The following DNAJC5B variants were observed in gnomAD, a reference collection of about 807,000 sequenced individuals.
DNAJC5B encodes the protein DnaJ heat shock protein family (Hsp40) member C5 beta.
A neutral mutation model predicts 24.7 loss-of-function variants in DNAJC5B; 23 were observed. The ratio of observed to expected loss-of-function variants is 0.93; its 90% confidence interval spans 0.67 to 1.32. The LOEUF (loss-of-function observed/expected upper bound fraction) is 1.32, where lower values mean the gene tolerates loss of function less well. Among genes scored for constraint, DNAJC5B ranks in the 40% most tolerant of loss-of-function variants. DNAJC5B has a pLI of 0.00. For missense variants in DNAJC5B, 238 were observed against 240.8 expected, an observed-to-expected ratio of 0.99 and a Z score of 0.08; for synonymous variants, 101 against 90.1, an observed-to-expected ratio of 1.12 and a Z score of -0.68.
At chr8:66,031,782 G>A (rs1420460361) in intron 1 of DNAJC5B, among the ~76,000 whole-genome samples, 2 of 152,174 alleles carry the variant, frequency 1.3e-5, no homozygotes, top group African/African-American at 4.8e-5. Flanking sequence ...TGAGGGTGGG[G>A]TGGGGGGCAG....
intron 3 of DNAJC5B, among the ~76,000 whole-genome samples, chr8:66,074,469 T>C (rs1586102667): frequency 6.6e-6 from 1 of 152,344 alleles, no homozygotes; most frequent in Admixed American, 6.5e-5. Flanking sequence ...AAAGCTGTCA[T>C]TAGATTTTGA....
intron 1 of DNAJC5B, among the ~76,000 whole-genome samples, chr8:66,041,167 A>G (rs911249503): frequency 6.6e-6 from 1 of 152,196 alleles, no homozygotes; most frequent in African/African-American, 2.4e-5. Flanking sequence ...CTTGAGTTTC[A>G]TATATTGCAT....
At chr8:66,075,586 T>C (rs1446906322) in intron 3 of DNAJC5B, among the ~76,000 whole-genome samples, 1 of 152,204 alleles carries the variant, frequency 6.6e-6, no homozygotes, top group African/African-American at 2.4e-5. Context: ...CAGATATCTT[T>C]CAAAAAGGAT....
At chr8:66,082,475 C>G (rs1807618067) in intron 5 of DNAJC5B, among the ~76,000 whole-genome samples, 1 of 152,086 alleles carries the variant, frequency 6.6e-6, no homozygotes, top group Non-Finnish European at 1.5e-5. Flanking sequence ...GAAATCCATA[C>G]TAGGTGCCAG....
chr8:66,074,852 A>G (rs2128963481), intron 3 of DNAJC5B, among the ~76,000 whole-genome samples: 1 of 152,306 alleles, frequency 6.6e-6, no homozygotes, highest in South Asian at 2.1e-4. Flanking sequence ...AAGAGGAATC[A>G]AAATGTTGCT....
At chr8:66,031,066 C>T (rs1217124309) in intron 1 of DNAJC5B, among the ~76,000 whole-genome samples, 1 of 152,238 alleles carries the variant, frequency 6.6e-6, no homozygotes, top group Non-Finnish European at 1.5e-5. Context: ...GCACTTTCTT[C>T]AGCCACTTTA....
At chr8:66,050,547 T>C (rs548670166) in intron 2 of DNAJC5B, among the ~76,000 whole-genome samples, 2 of 152,210 alleles carry the variant, frequency 1.3e-5, no homozygotes, top group African/African-American at 2.4e-5. Flanking sequence ...TTTAAAATCC[T>C]AGGGAAGGAT....
At chr8:66,051,896 A>G (rs1051457315) in intron 3 of DNAJC5B, among the ~76,000 whole-genome samples, 3 of 152,140 alleles carry the variant, frequency 2.0e-5, no homozygotes, top group African/African-American at 7.2e-5. Flanking sequence ...TGTGTCTTAG[A>G]CCTGCAGTGA....
chr8:66,089,282 C>A (rs1017128224), intron 5 of DNAJC5B, among the ~76,000 whole-genome samples: 1 of 152,158 alleles, frequency 6.6e-6, no homozygotes, highest in African/African-American at 2.4e-5. Context: ...TGGGGGAAAC[C>A]GTCTCTATGA....
chr8:66,083,003 CTTT>C (rs765749597), intron 5 of DNAJC5B, among the ~76,000 whole-genome samples: 2 of 86,722 alleles, frequency 2.3e-5, no homozygotes, highest in Non-Finnish European at 4.4e-5. Context: ...CTTTTCTTTT[CTTT>C]TTTTTTTTTT....
chr8:66,048,377 A>G (rs1806770861), intron 2 of DNAJC5B, among the ~76,000 whole-genome samples: 1 of 152,190 alleles, frequency 6.6e-6, no homozygotes, highest in Non-Finnish European at 1.5e-5. Flanking sequence ...CTTTCTTCGT[A>G]GGAAAATGTT....
rs908564632 is a variant in DNAJC5B at position 66,049,707 on chromosome 8, C to T, written c.-17-1824C>T. Among the ~76,000 whole-genome samples, 4 of 152,128 alleles carry T rather than the reference C, an allele frequency of 2.6e-5. No individual in the cohort carries two copies. In the East Asian group the frequency reaches 7.7e-4, roughly 29 times the overall value. ...GTCGGCTGTGGGTGTTATCATAATC[C>T]GTGTAGTAGATTATCTTCAGTAACC... On this transcript the variant is annotated intron_variant, in intron 2 of 5. Coordinates refer to ENST00000276570, the MANE Select transcript of DNAJC5B (RefSeq NM_033105.6).
At chr8:66,072,340 C>T (rs1807369191) in intron 3 of DNAJC5B, among the ~76,000 whole-genome samples, 1 of 152,104 alleles carries the variant, frequency 6.6e-6, no homozygotes, top group East Asian at 1.9e-4. Flanking sequence ...AAAGTTTTAA[C>T]ACATCTGGCT....
At chr8:66,078,848 A>T (rs75509423) in intron 4 of DNAJC5B, among the ~76,000 whole-genome samples, 309 of 152,322 alleles carry the variant, frequency 2.0e-3, no homozygotes, top group African/African-American at 7.1e-3. Flanking sequence ...GATGAAGCCC[A>T]GGTCTATGAA....
chr8:66,066,760 A>G (rs1231403817), intron 3 of DNAJC5B, among the ~76,000 whole-genome samples: 1 of 152,160 alleles, frequency 6.6e-6, no homozygotes, highest in African/African-American at 2.4e-5. Flanking sequence ...AAAAAACTAC[A>G]ATGTATACTA....
At chr8:66,040,969 A>T (rs565519062) in intron 1 of DNAJC5B, among the ~76,000 whole-genome samples, 1 of 152,332 alleles carries the variant, frequency 6.6e-6, no homozygotes, top group East Asian at 1.9e-4. Context: ...CTGAAGAAAC[A>T]TATAAGCACT....
In DNAJC5B at chr8:66,080,392, G is replaced by A. The variant is rs370404881; in HGVS notation, c.349G>A (p.Val117Ile). The A allele has an allele frequency of 1.4e-5, 22 of 1,612,892 alleles. No homozygotes were observed. The highest frequency in any genetic ancestry group is 9.9e-5 in the South Asian group (9 of 90,980). ...SWWAKALFVI[V>I]GLLTGCYFCC... Reference sequence around the variant, plus strand: ...GTTTCCCTAGGCCCTGTTTGTCATCGTTGGCCTCTTGACGGGCTGCTACTT... The same window carrying A: ...GTTTCCCTAGGCCCTGTTTGTCATCATTGGCCTCTTGACGGGCTGCTACTT... Residue 117 changes from valine (V) to isoleucine (I), a missense_variant, in exon 5 of 6, where the codon GTT becomes ATT. By Grantham distance (29) the Val-to-Ile change is conservative. Transcript: ENST00000276570.
rs1214933406 is a variant in DNAJC5B at position 66,075,349 on chromosome 8, G to A, written c.120-1311G>A. On this transcript the variant is annotated intron_variant, in intron 3 of 5. Transcript: ENST00000276570. ...AAATAACAGCCCTTTCATTTGATTG[G>A]CCTAGACATGATATCTTTGGAACCA... is the stretch of plus-strand genomic sequence containing the variant. Among the ~76,000 whole-genome samples the A allele has an allele frequency of 6.6e-5, 10 of 152,008 alleles. No homozygotes were observed. The East Asian group carries it at 1.7e-3, about 26-fold the overall frequency.
chr8:66,029,782 C>G (rs1806321765), intron 1 of DNAJC5B, among the ~76,000 whole-genome samples: 1 of 152,122 alleles, frequency 6.6e-6, no homozygotes, highest in African/African-American at 2.4e-5. Context: ...AGAAATGAAA[C>G]TATCCATGCC....
Sources: allele counts gnomAD v4.1 joint callset (sites outside exome capture counted in the v4.1 genomes callset), GRCh38; gene constraint gnomAD v4.1.1; transcripts MANE v1.5; gene names NCBI Gene and HGNC (gene_info 2026-07-23, HGNC 2026-07-21).